The following KLC2 variants were observed in gnomAD, a reference collection of about 807,000 sequenced individuals.
KLC2 encodes the protein kinesin light chain 2.
In KLC2, 35 loss-of-function variants were observed where a neutral mutation model predicts 75.1. That is an observed-to-expected ratio of 0.47 (90% CI 0.36 to 0.62). The LOEUF is 0.62. Among genes scored for constraint, KLC2 ranks in the 20% least tolerant of loss-of-function variants. The pLI is 0.00. For missense variants in KLC2, 611 were observed against 833.2 expected, an observed-to-expected ratio of 0.73 and a Z score of 3.28; for synonymous variants, 314 against 336.7, an observed-to-expected ratio of 0.93 and a Z score of 0.74.
rs1590855556 is a variant in KLC2, at chr11:66,258,622, G to A, written c.28G>A (p.Glu10Lys). 1 of 1,613,590 alleles carries A rather than the reference G, an allele frequency of 6.2e-7. No homozygotes were observed. Among genetic ancestry groups the A allele is most frequent in the Non-Finnish European group, 8.5e-7 (1 of 1,179,622 alleles). The change falls in exon 2 of 16, where the codon GAG (glutamate) becomes AAG (lysine). Residue 10 changes from glutamate (E) to lysine (K), a missense_variant. By Grantham distance (56) the Glu-to-Lys change is moderately conservative. Coordinates refer to ENST00000394067, the MANE Select transcript of KLC2 (RefSeq NM_001318734.2). Reference sequence around the variant, plus strand: ...GGCCATGATGGTGTTTCCGCGGGAGGAGAAGCTGAGCCAGGATGAGATCGT... The same window carrying A: ...GGCCATGATGGTGTTTCCGCGGGAGAAGAAGCTGAGCCAGGATGAGATCGT... MAMMVFPRE[E>K]KLSQDEIVLG...
chr11:66,264,172 C>A lies in KLC2; in HGVS notation c.1069C>A (p.Arg357Ser). ...GCGGGCACTGGAGATCTATGCTACACGCCTCGGGCCCGATGACCCCAATGT... is the reference window on the plus strand; with the variant it reads ...GCGGGCACTGGAGATCTATGCTACAAGCCTCGGGCCCGATGACCCCAATGT... ...YRRALEIYAT[R>S]LGPDDPNVAK... The change falls in exon 8 of 16, where the codon CGC (arginine) becomes AGC (serine). Residue 357 changes from arginine (R) to serine (S), a missense_variant. Arg to Ser is a moderately radical substitution (Grantham distance 110, BLOSUM62 -1). Coordinates refer to ENST00000394067, the MANE Select transcript of KLC2 (RefSeq NM_001318734.2). 1 of 1,572,290 alleles carries A rather than the reference C, an allele frequency of 6.4e-7. No individual in the cohort carries two copies. Among genetic ancestry groups the A allele is most frequent in the Non-Finnish European group, 8.6e-7 (1 of 1,157,802 alleles).
At chr11:66,261,701 G>A in intron 2 of KLC2, 41 bp from the exon 3 acceptor site, 2 of 1,394,372 alleles carry the variant, frequency 1.4e-6, no homozygotes, top group Non-Finnish European at 1.0e-6. Context: ...TAGGCGAGGG[G>A]GTCGACAGGC....
the KLC2 span, chr11:66,244,269 A>G: frequency 6.6e-6 from 1 of 152,210 alleles, no homozygotes; most frequent in African/African-American, 2.4e-5. Flanking sequence ...CCACCGTGTC[A>G]GTTTTTCTGC....
At position 66,262,126 on chromosome 11, in the gene KLC2, G is replaced by A; in HGVS notation, c.463G>A (p.Glu155Lys). Residue 155 changes from glutamate (E) to lysine (K), a missense_variant, in exon 4 of 16, where the codon GAG (glutamate) becomes AAG (lysine). By Grantham distance (56) the Glu-to-Lys change is moderately conservative. Coordinates refer to ENST00000394067, the MANE Select transcript of KLC2 (RefSeq NM_001318734.2). The stretch of plus-strand genomic sequence containing the variant: ...CTCATCCTGTCTTCCTTCCCAGGAG[G>A]AGAAGGGGGACGTCCCCAAAGACAC... Reference protein sequence around the residue: ...KLDEDASPNEEKGDVPKDTLD... With the variant: ...KLDEDASPNEKKGDVPKDTLD... 1.2e-6 allele frequency: 2 copies of A among 1,613,392 alleles called. No homozygotes were observed. The highest frequency in any genetic ancestry group is 1.7e-6 in the Non-Finnish European group (2 of 1,179,910).
chr11:66,265,749 C>G lies in KLC2; in HGVS notation c.1429C>G (p.Arg477Gly), dbSNP rs889748340. 3 of 1,613,582 alleles carry G rather than the reference C, an allele frequency of 1.9e-6. No homozygotes were observed. Among genetic ancestry groups the G allele is most frequent in the Non-Finnish European group, 2.5e-6 (3 of 1,179,806 alleles). Residue 477 changes from arginine to glycine, a missense_variant, in exon 12 of 16, where the codon CGT becomes GGT. Transcript: ENST00000394067. ...GCACACACTAGAGGACTGTGCCAGC[C>G]GTAACCGCAAGCAGGTGGGGCTCCA... ...AAHTLEDCASRNRKQGLDPAS... is the reference protein window; with the variant it reads ...AAHTLEDCASGNRKQGLDPAS...
At chr11:66,256,112 G>A (rs1856025141), upstream of KLC2, among the ~76,000 whole-genome samples, 1 of 151,840 alleles carries the variant, frequency 6.6e-6, no homozygotes, top group African/African-American at 2.4e-5. Context: ...TCTGCTATCC[G>A]GAAAAAAATC....
At chr11:66,251,114 A>G in the KLC2 span, among the ~76,000 whole-genome samples, 1 of 152,224 alleles carries the variant, frequency 6.6e-6, no homozygotes, top group Non-Finnish European at 1.5e-5. Context: ...AGGACATTGT[A>G]AAGGTGGAAG....
Position 66,265,843 on chromosome 11 carries a change from CCCT to C in KLC2, c.1444-8_1444-6del. 1.9e-6 allele frequency: 3 copies of C among 1,579,474 alleles called. No individual in the cohort carries two copies. Among genetic ancestry groups the C allele is most frequent in the East Asian group, 2.3e-5 (1 of 44,374 alleles). The stretch of plus-strand genomic sequence containing the variant: ...TCCATTCACTGCCTGATGCCCCTGC[CCCT>C]CCCTCAGGGTTTGGACCCCGCAAGC... On this transcript the variant is annotated splice_polypyrimidine_tract_variant and splice_region_variant and intron_variant, in intron 12 of 15. Transcript: ENST00000394067.
At chr11:66,249,362 C>G in the KLC2 span, among the ~76,000 whole-genome samples, 1 of 152,190 alleles carries the variant, frequency 6.6e-6, no homozygotes, top group Admixed American at 6.5e-5. Flanking sequence ...CTGGTGCAGC[C>G]CACACTCGGG....
intron 2 of KLC2, 33 bp from the exon 3 acceptor site, chr11:66,261,709 G>A (rs2134811918): frequency 1.3e-6 from 2 of 1,486,238 alleles, no homozygotes; most frequent in East Asian, 2.3e-5. Flanking sequence ...GGGGTCGACA[G>A]GCCTCCGACC....
chr11:66,267,479 T>G lies in KLC2; in HGVS notation c.*523T>G, dbSNP rs1327433020. 3 of 704,458 alleles carry G rather than the reference T, an allele frequency of 4.3e-6. No individual in the cohort carries two copies. In the African/African-American group the frequency reaches 5.3e-5, roughly 12 times the overall value. The allele number at this position is 704,458 out of a possible 1,614,324, so 43.6% of individuals were successfully genotyped here. On this transcript the variant is annotated 3_prime_UTR_variant, in exon 16 of 16. Coordinates refer to ENST00000394067, the MANE Select transcript of KLC2 (RefSeq NM_001318734.2). Reference sequence around the variant, plus strand: ...GCGGTGGTATCTCCCAGGCTCTACATTCTCGGGAGCGGCGCCTCCCAAGGG... The same window carrying G: ...GCGGTGGTATCTCCCAGGCTCTACAGTCTCGGGAGCGGCGCCTCCCAAGGG...
intron 11 of KLC2, 187 bp downstream of exon 11, chr11:66,265,422 T>C: frequency 2.9e-6 from 2 of 685,468 alleles, no homozygotes; most frequent in Admixed American, 5.8e-5. Flanking sequence ...GTCTCCCAGC[T>C]TTTGGTCCTG....
At chr11:66,266,358 G>A in intron 14 of KLC2, 75 bp from the exon 15 acceptor site, 4 of 1,109,208 alleles carry the variant, frequency 3.6e-6, no homozygotes, top group Non-Finnish European at 5.4e-6. Flanking sequence ...TCCCTCCCCA[G>A]CCCCACCCTT....
At chr11:66,249,400 C>T in the KLC2 span, among the ~76,000 whole-genome samples, 1 of 152,194 alleles carries the variant, frequency 6.6e-6, no homozygotes, top group African/African-American at 2.4e-5. Flanking sequence ...CTACATGCAT[C>T]ATCTGGGATT....
chr11:66,251,642 C>T, the KLC2 span, among the ~76,000 whole-genome samples: 1 of 151,992 alleles, frequency 6.6e-6, no homozygotes, highest in African/African-American at 2.4e-5. Flanking sequence ...CATGGTGGCG[C>T]ATGCCTGTAA....
chr11:66,261,043 A>G (rs1856369068), intron 2 of KLC2: 1 of 146,978 alleles, frequency 6.8e-6, no homozygotes, highest in African/African-American at 2.5e-5. Flanking sequence ...CAGGTGACAG[A>G]GTGAGACATT....
At chr11:66,262,436 TC>T in intron 4 of KLC2, 1 of 572,120 alleles carries the variant, frequency 1.7e-6, no homozygotes, top group Non-Finnish European at 3.1e-6. Flanking sequence ...GCCACTAGCT[TC>T]CCTGACCCTT....
In KLC2 at chr11:66,267,616, G is replaced by C. The variant is rs1856933854; in HGVS notation, c.*660G>C. Reference sequence around the variant, plus strand: ...CCCCTTAGTCCGTCCTCCCACCGCCGGGCCCTGCCCCGCATCCCGGCCTTA... The same window carrying C: ...CCCCTTAGTCCGTCCTCCCACCGCCCGGCCCTGCCCCGCATCCCGGCCTTA... On this transcript the variant is annotated 3_prime_UTR_variant, in exon 16 of 16. Coordinates refer to ENST00000394067, the MANE Select transcript of KLC2 (RefSeq NM_001318734.2). 8.4e-6 allele frequency: 5 copies of C among 598,550 alleles called. No individual in the cohort carries two copies. The highest frequency in any genetic ancestry group is 2.0e-5 in the South Asian group (1 of 51,220). 37.1% of individuals were successfully genotyped at this position (598,550 alleles called of 1,614,324 possible).
At chr11:66,246,963 A>G in the KLC2 span, among the ~76,000 whole-genome samples, 1 of 152,052 alleles carries the variant, frequency 6.6e-6, no homozygotes, top group Non-Finnish European at 1.5e-5. Flanking sequence ...TCGGGGCTCC[A>G]GCCTCTAATA....
Sources: allele counts gnomAD v4.1 joint callset (sites outside exome capture counted in the v4.1 genomes callset), GRCh38; gene constraint gnomAD v4.1.1; transcripts MANE v1.5; gene names NCBI Gene and HGNC (gene_info 2026-07-23, HGNC 2026-07-21).